CCDC178: variants seen among roughly 807,000 people sequenced by gnomAD.
The protein encoded by CCDC178 is coiled-coil domain-containing protein 178.
CCDC178 carries 126 observed loss-of-function variants against 117.4 expected under a neutral mutation model. The observed-to-expected ratio is 1.07, with a 90% confidence interval of 0.93 to 1.24. The LOEUF is 1.24. Among genes scored for constraint, CCDC178 ranks in the 50% most tolerant of loss-of-function variants. The pLI is 0.00. For synonymous variants in CCDC178, 283 were observed against 313.4 expected, an observed-to-expected ratio of 0.90 and a Z score of 1.02; for missense variants, 1,030 against 986.9, an observed-to-expected ratio of 1.04 and a Z score of -0.59.
chr18:32,959,271 T>C (rs766031170), intron 22 of CCDC178, among the ~76,000 whole-genome samples: 9 of 152,268 alleles, frequency 5.9e-5, no homozygotes, highest in Non-Finnish European at 1.0e-4. Context: ...ATTGATAATA[T>C]GTGCAGTTTC....
At chr18:32,971,990 G>T (rs1038559853) in intron 22 of CCDC178, among the ~76,000 whole-genome samples, 1 of 152,034 alleles carries the variant, frequency 6.6e-6, no homozygotes, top group Non-Finnish European at 1.5e-5. Context: ...TCTGATGCTA[G>T]TTTCTTTTGC....
intron 20 of CCDC178, among the ~76,000 whole-genome samples, chr18:33,117,264 C>T (rs1165307149): frequency 6.6e-6 from 1 of 152,048 alleles, no homozygotes; most frequent in African/African-American, 2.4e-5. Flanking sequence ...ATGAATTAGC[C>T]TCTTTTCTCA....
At chr18:33,397,354 G>A in intron 3 of CCDC178, 146 bp from the exon 4 acceptor site, 5 of 473,118 alleles carry the variant, frequency 1.1e-5, no homozygotes, top group Non-Finnish European at 1.9e-5. Flanking sequence ...GGGCTGAAGG[G>A]GTAAGTAGGA....
At chr18:33,040,490 C>G (rs1053612572) in intron 21 of CCDC178, among the ~76,000 whole-genome samples, 15 of 151,782 alleles carry the variant, frequency 9.9e-5, no homozygotes, top group Admixed American at 4.6e-4. Flanking sequence ...TACAAAAGAC[C>G]AGAAACTACA....
chr18:33,347,078 C>T (rs560962717), intron 8 of CCDC178, among the ~76,000 whole-genome samples: 10 of 152,070 alleles, frequency 6.6e-5, no homozygotes, highest in African/African-American at 2.2e-4. Flanking sequence ...CATTACGTTC[C>T]GGGAACAAGC....
chr18:33,365,444 A>T (rs72950808), intron 6 of CCDC178, among the ~76,000 whole-genome samples: 1 of 152,190 alleles, frequency 6.6e-6, no homozygotes, highest in Non-Finnish European at 1.5e-5. Context: ...TCTGCCACTG[A>T]CATTAGATCT....
chr18:33,021,685 C>T (rs905775497), intron 21 of CCDC178, among the ~76,000 whole-genome samples: 1 of 152,210 alleles, frequency 6.6e-6, no homozygotes, highest in African/African-American at 2.4e-5. Flanking sequence ...ATTAACCTCA[C>T]CTCATGTTTA....
chr18:33,346,180 T>C, intron 9 of CCDC178, 31 bp downstream of exon 9: 1 of 1,495,174 alleles, frequency 6.7e-7, no homozygotes, highest in Non-Finnish European at 9.3e-7. Flanking sequence ...CCCAACAGAA[T>C]AAGAAGTAAT....
At chr18:33,337,629 C>T (rs1461794618) in intron 9 of CCDC178, among the ~76,000 whole-genome samples, 1 of 152,000 alleles carries the variant, frequency 6.6e-6, no homozygotes, top group African/African-American at 2.4e-5. Flanking sequence ...TGATCTTCAA[C>T]AAAGCAAACA....
intron 20 of CCDC178, among the ~76,000 whole-genome samples, chr18:33,156,889 A>C (rs1398639812): frequency 3.9e-5 from 6 of 152,168 alleles, no homozygotes. Context: ...TTGGCAAAAA[A>C]ATTAGCCTTG....
intron 11 of CCDC178, among the ~76,000 whole-genome samples, chr18:33,304,957 C>T (rs1421611738): frequency 6.6e-6 from 1 of 152,130 alleles, no homozygotes; most frequent in Non-Finnish European, 1.5e-5. Flanking sequence ...TTTTTGCTCC[C>T]CTTATCCCTC....
rs9966886 is a variant in CCDC178, at chr18:33,036,531, A to T, written c.2388+56230T>A. On this transcript the variant is annotated intron_variant, in intron 21 of 22. Transcript: ENST00000383096. Reference sequence around the variant, plus strand: ...TTTGAGCAAAATGGTATTTGCACTGAGCCTCAAAGGATGACTAGGAGTATA... The same window carrying T: ...TTTGAGCAAAATGGTATTTGCACTGTGCCTCAAAGGATGACTAGGAGTATA... Among the ~76,000 whole-genome samples the T allele has an allele frequency of 3.6e-4, 54 of 151,870 alleles. 1 individual carries two copies. The highest frequency in any genetic ancestry group is 3.4e-3 in the Middle Eastern group (1 of 294).
intron 20 of CCDC178, among the ~76,000 whole-genome samples, chr18:33,125,902 T>G (rs2057998685): frequency 6.6e-6 from 1 of 152,164 alleles, no homozygotes. Context: ...GAGATCTGGA[T>G]GGAGAGGTGC....
intron 21 of CCDC178, among the ~76,000 whole-genome samples, chr18:32,988,296 C>T (rs1354010859): frequency 4.6e-5 from 7 of 151,208 alleles, no homozygotes; most frequent in South Asian, 4.2e-4. Flanking sequence ...ATTATTCGGG[C>T]GTGGTCGCGT....
intron 21 of CCDC178, among the ~76,000 whole-genome samples, chr18:33,059,241 T>C (rs2056882132): frequency 6.6e-6 from 1 of 152,142 alleles, no homozygotes; most frequent in Admixed American, 6.5e-5. Context: ...GAACATCTAT[T>C]TAGGAAGTAT....
At chr18:33,192,828 G>T (rs2058876329) in intron 20 of CCDC178, among the ~76,000 whole-genome samples, 1 of 150,982 alleles carries the variant, frequency 6.6e-6, no homozygotes, top group East Asian at 2.0e-4. Flanking sequence ...TTGAACCCGG[G>T]AGGCGGAGAT....
At chr18:33,071,363 T>C (rs2057105879) in intron 21 of CCDC178, among the ~76,000 whole-genome samples, 1 of 152,156 alleles carries the variant, frequency 6.6e-6, no homozygotes, top group Non-Finnish European at 1.5e-5. Context: ...ATTTTTTAAA[T>C]GAAAATAATT....
At chr18:33,181,537 A>C (rs2144481943) in intron 20 of CCDC178, among the ~76,000 whole-genome samples, 1 of 152,100 alleles carries the variant, frequency 6.6e-6, no homozygotes, top group Non-Finnish European at 1.5e-5. Flanking sequence ...AACATGTGCC[A>C]TCTTTTATAA....
intron 11 of CCDC178, among the ~76,000 whole-genome samples, chr18:33,322,388 T>C (rs984553594): frequency 6.6e-6 from 1 of 151,838 alleles, no homozygotes; most frequent in Non-Finnish European, 1.5e-5. Context: ...TTAGTAAACT[T>C]GATCTAATGA....
Sources: allele counts gnomAD v4.1 joint callset (sites outside exome capture counted in the v4.1 genomes callset), GRCh38; gene constraint gnomAD v4.1.1; transcripts MANE v1.5; gene names NCBI Gene and HGNC (gene_info 2026-07-23, HGNC 2026-07-21).